Variants in ASB10 observed in about 807,000 individuals in gnomAD.
ASB10 encodes the protein ankyrin repeat and SOCS box protein 10.
A neutral mutation model predicts 35.4 loss-of-function variants in ASB10; 44 were observed. The observed-to-expected ratio is 1.24, with a 90% CI of 0.98 to 1.60. The LOEUF is 1.60. Among genes scored for constraint, ASB10 ranks in the 40% most tolerant of loss-of-function variants. The pLI, the probability that ASB10 is intolerant of heterozygous loss-of-function variation, is 0.00. For missense variants in ASB10, 647 were observed against 634.3 expected (o/e 1.02, Z -0.22); for synonymous variants, 294 against 280.4 (o/e 1.05, Z -0.49).
At chr7:151,185,872 G>A (rs920964264) in intron 2 of ASB10, among the ~76,000 whole-genome samples, 1 of 152,218 alleles carries the variant, frequency 6.6e-6, no homozygotes, top group East Asian at 1.9e-4. Flanking sequence ...ATGATCTGAG[G>A]GTGCCCTACC....
In ASB10 at chr7:151,181,134, G is replaced by A; in HGVS notation, c.909C>T (p.Arg303=). 6.2e-7 allele frequency: 1 copy of A among 1,611,726 alleles called. No individual in the cohort carries two copies. The highest frequency in any genetic ancestry group is 8.5e-7 in the Non-Finnish European group (1 of 1,179,262). Residue 303 remains arginine (R), a synonymous_variant, in exon 3 of 6, where the codon CGC becomes CGT. Coordinates refer to ENST00000420175, the MANE Select transcript of ASB10 (RefSeq NM_001142459.2). Reference sequence around the variant, plus strand: ...GCTCCACGACAGCTGCATGGCCACGGCGGCAGGCCAGGTGCAGGGGTCGCT... The same window carrying A: ...GCTCCACGACAGCTGCATGGCCACGACGGCAGGCCAGGTGCAGGGGTCGCT... ...DKQRPLHLAC[R]RGHAAVVELL...
At position 151,175,958 on chromosome 7, in the gene ASB10, C is replaced by T. The variant is rs1024240570; in HGVS notation, c.*9G>A. ...CTGCTTTCAGGCCCTCTCAAAAGGC[C>T]ATGGACATCTGGAAGGAGAGGTTTG... On this transcript the variant is annotated 3_prime_UTR_variant, in exon 6 of 6. Transcript: ENST00000420175. 1.0e-6 allele frequency: 1 copy of T among 995,882 alleles called. No homozygotes were observed. The highest frequency in any genetic ancestry group is 1.4e-6 in the Non-Finnish European group (1 of 705,918). 61.7% of individuals were successfully genotyped at this position (995,882 alleles called of 1,614,324 possible). A position where few individuals can be genotyped will look rare whatever the true frequency, so the allele number is the denominator to read the frequency against.
At chr7:151,179,394 G>T (rs1175470160) in intron 3 of ASB10, among the ~76,000 whole-genome samples, 1 of 152,238 alleles carries the variant, frequency 6.6e-6, no homozygotes, top group Admixed American at 6.5e-5. Context: ...TTAGAGCAGT[G>T]CCTGGTGTGT....
rs765065592 is a variant in ASB10, at chr7:151,180,952, C to T, written c.1091G>A (p.Gly364Glu). 6.5e-7 allele frequency: 1 copy of T among 1,545,454 alleles called. No individual in the cohort carries two copies. Among genetic ancestry groups the T allele is most frequent in the African/African-American group, 1.4e-5 (1 of 73,548 alleles). The change falls in exon 3 of 6, where the codon GGG becomes GAG. Residue 364 changes from glycine (G) to glutamate (E), a missense_variant. Physicochemically the swap from Gly to Glu is moderately conservative, Grantham distance 98. Transcript: ENST00000420175. ...LNHGAVRVWP[G>E]ALPKVLERWS... ...CAGCCCCCATACCTTGGGGAGGGCCCCTGGCCAGACACGGACGGCGCCATG... is the reference window on the plus strand; with the variant it reads ...CAGCCCCCATACCTTGGGGAGGGCCTCTGGCCAGACACGGACGGCGCCATG...
At chr7:151,178,255 A>C (rs1457675937) in intron 3 of ASB10, among the ~76,000 whole-genome samples, 1 of 152,216 alleles carries the variant, frequency 6.6e-6, no homozygotes, top group Non-Finnish European at 1.5e-5. Flanking sequence ...AAAAGAGAAA[A>C]AAAAAAGTAG....
intron 2 of ASB10, among the ~76,000 whole-genome samples, chr7:151,184,100 G>A (rs1801542217): frequency 6.6e-6 from 1 of 152,132 alleles, no homozygotes; most frequent in Non-Finnish European, 1.5e-5. Context: ...ATATAAAGGA[G>A]TGTTATTCAG....
At chr7:151,185,895 C>G (rs1234518592) in intron 2 of ASB10, among the ~76,000 whole-genome samples, 1 of 152,090 alleles carries the variant, frequency 6.6e-6, no homozygotes, top group Non-Finnish European at 1.5e-5. Flanking sequence ...TATGGAGATT[C>G]TAGACCTGTC....
At chr7:151,187,557 T>C, upstream of ASB10, 2 of 1,551,366 alleles carry the variant, frequency 1.3e-6, no homozygotes, top group Middle Eastern at 1.7e-4. This position sits in a 1 kb window ranked among gnomAD's most constrained non-coding sequence, Gnocchi z 5.3. Flanking sequence ...AGGTCCCCGG[T>C]GTAGAGGGCA....
chr7:151,180,885 G>T, intron 3 of ASB10, 54 bp downstream of exon 3: 1 of 1,435,516 alleles, frequency 7.0e-7, no homozygotes, highest in Non-Finnish European at 9.1e-7. Flanking sequence ...CACAGGCCCA[G>T]GTCTCCCTGT....
In ASB10 at chr7:151,186,645, T is replaced by C; in HGVS notation, c.331A>G (p.Thr111Ala). The C allele has an allele frequency of 3.1e-6, 5 of 1,609,824 alleles. No homozygotes were observed. Among genetic ancestry groups the C allele is most frequent in the Non-Finnish European group, 4.2e-6 (5 of 1,178,148 alleles). Residue 111 changes from threonine to alanine, a missense_variant, in exon 2 of 6, where the codon ACA becomes GCA. Transcript: ENST00000420175. ...GGGGTGGTCAGCTCCTCTTCGTATG[T>C]CAGAGACCAGAGTCCTAGGGAGGGG... ...NIRALRLWSL[T>A]YEEELTTPLH...
Position 151,181,174 on chromosome 7 carries a change from G to T in ASB10, c.869C>A (p.Ala290Glu). The stretch of plus-strand genomic sequence containing the variant: ...CAGGGGTCGCTGCTTGTCCTGGTCC[G>T]CAGCATCAGCGTCTGCTCCAGCTGA... ...LLSAGADADA[A>E]DQDKQRPLHL... The change falls in exon 3 of 6, where the codon GCG (alanine) becomes GAG (glutamate). Residue 290 changes from alanine to glutamate, a missense_variant. By Grantham distance (107) the Ala-to-Glu change is moderately radical (BLOSUM62 -1). Transcript: ENST00000420175. The T allele has an allele frequency of 6.2e-7, 1 of 1,611,034 alleles. No homozygotes were observed. Among genetic ancestry groups the T allele is most frequent in the Admixed American group, 1.7e-5 (1 of 59,930 alleles).
Position 151,186,916 on chromosome 7 carries a change from C to T in ASB10, c.215G>A (p.Arg72His), listed in dbSNP as rs104886488. 2.4e-3 allele frequency: 3,867 copies of T among 1,613,916 alleles called. 8 individuals carry two copies. The highest frequency in any genetic ancestry group is 3.0e-3 in the Non-Finnish European group (3,591 of 1,180,000). ...GCCAGTACTGGAGTCCGCGAGGATG[C>T]GGGAGACACAGCCCACGTCCCCAGC... ...VLAGDVGCVS[R>H]ILADSSTGLA... is the part of the protein sequence containing the mutation. The change falls in exon 1 of 6, where the codon CGC (arginine) becomes CAC (histidine). Residue 72 changes from arginine (R) to histidine (H), a missense_variant. Coordinates refer to ENST00000420175, the MANE Select transcript of ASB10 (RefSeq NM_001142459.2).
At chr7:151,182,283 A>T (rs1007524334) in intron 2 of ASB10, among the ~76,000 whole-genome samples, 1 of 152,188 alleles carries the variant, frequency 6.6e-6, no homozygotes, top group Non-Finnish European at 1.5e-5. Flanking sequence ...TGGGATAAAG[A>T]ACAAGACTGA....
At chr7:151,182,653 G>A (rs1009642227) in intron 2 of ASB10, among the ~76,000 whole-genome samples, 7 of 152,190 alleles carry the variant, frequency 4.6e-5, no homozygotes, top group Non-Finnish European at 8.8e-5. Context: ...GAAGCACAGG[G>A]AGTCACAGCA....
chr7:151,176,493 C>T, intron 4 of ASB10, 70 bp downstream of exon 4: 1 of 1,497,768 alleles, frequency 6.7e-7, no homozygotes, highest in Non-Finnish European at 9.0e-7. Flanking sequence ...CTATGGGGGG[C>T]TGCGGTTTAG....
chr7:151,186,866 T>C lies in ASB10; in HGVS notation c.265A>G (p.Thr89Ala). The change falls in exon 1 of 6, where the codon ACC becomes GCC. Residue 89 changes from threonine to alanine, a missense_variant. Physicochemically the swap from Thr to Ala is moderately conservative, Grantham distance 58. Coordinates refer to ENST00000420175, the MANE Select transcript of ASB10 (RefSeq NM_001142459.2). ...TCCCTCCATCGCTCTGGGTCGCTGG[T>C]ATCAAAGACGGAATCAGGAGCCAGG... The part of the protein sequence containing the change: ...TGLAPDSVFD[T>A]SDPERWRDFR... 1 of 1,612,798 alleles carries C rather than the reference T, an allele frequency of 6.2e-7. No individual in the cohort carries two copies. Among genetic ancestry groups the C allele is most frequent in the Non-Finnish European group, 8.5e-7 (1 of 1,179,208 alleles).
chr7:151,186,432 T>C lies in ASB10; in HGVS notation c.544A>G (p.Lys182Glu). ...ADPNIADQDG[K>E]RPLHLCRGPG... Reference sequence around the variant, plus strand: ...CCCCGGCAGAGATGCAGGGGGCGTTTCCCATCCTGGTCAGCGATGTTGGGG... The same window carrying C: ...CCCCGGCAGAGATGCAGGGGGCGTTCCCCATCCTGGTCAGCGATGTTGGGG... The change falls in exon 2 of 6, where the codon AAA becomes GAA. Residue 182 changes from lysine (K) to glutamate (E), a missense_variant. Coordinates refer to ENST00000420175, the MANE Select transcript of ASB10 (RefSeq NM_001142459.2). 2 of 1,589,054 alleles carry C rather than the reference T, an allele frequency of 1.3e-6. No individual in the cohort carries two copies. Among genetic ancestry groups the C allele is most frequent in the Non-Finnish European group, 1.7e-6 (2 of 1,167,972 alleles).
upstream of ASB10, chr7:151,187,735 G>A: frequency 6.8e-7 from 1 of 1,461,002 alleles, no homozygotes; most frequent in Non-Finnish European, 9.1e-7. The surrounding 1 kb of genome is among the most constrained non-coding windows in gnomAD (Gnocchi z 5.3). Flanking sequence ...CTTGTTCTGG[G>A]AGAGCCAAAG....
intron 3 of ASB10, among the ~76,000 whole-genome samples, chr7:151,177,651 G>C (rs1317814737): frequency 6.6e-6 from 1 of 152,244 alleles, no homozygotes; most frequent in Non-Finnish European, 1.5e-5. Flanking sequence ...CTGGGCTCTG[G>C]AGGCAAGGGA....
Sources: gnomAD v4.1 joint callset for allele counts (sites outside exome capture counted in the v4.1 genomes callset) on GRCh38, gnomAD v4.1.1 for gene constraint, Gnocchi (gnomAD v3.1) non-coding constraint, MANE v1.5 for transcripts, NCBI Gene and HGNC (gene_info 2026-07-23, HGNC 2026-07-21) for gene names.